Variants in ZNF831 observed in about 807,000 individuals in gnomAD.
The protein encoded by ZNF831 is zinc finger protein 831.
In ZNF831, 59 loss-of-function variants were observed where a neutral mutation model predicts 95.8. The observed-to-expected ratio is 0.62, with a 90% CI of 0.50 to 0.77. ZNF831 has a LOEUF of 0.77. Ranked by LOEUF, ZNF831 falls within the 30% of genes least tolerant of loss-of-function variation. ZNF831 has a pLI of 0.00. For synonymous variants in ZNF831, 961 were observed against 925.5 expected (o/e 1.04, Z -0.70); for missense variants, 2,205 against 2,164.0 (o/e 1.02, Z -0.38).
Position 59,194,655 on chromosome 20 carries a change from T to G in ZNF831, c.3636T>G (p.Pro1212=), listed in dbSNP as rs767329680. ...AASVYLAVHF[P]GSSLRDEGPN... ...CTGTGTACTTGGCGGTGCACTTTCC[T>G]GGTAGCAGCCTCCGAGATGAGGGTC... The change falls in exon 2 of 6, where the codon CCT becomes CCG. Residue 1212 remains proline, a synonymous_variant. Transcript: ENST00000371030. 6.2e-7 allele frequency: 1 copy of G among 1,613,378 alleles called. No homozygotes were observed. The highest frequency in any genetic ancestry group is 8.5e-7 in the Non-Finnish European group (1 of 1,179,800).
chr20:59,191,530 C>A lies in ZNF831; in HGVS notation c.511C>A (p.Pro171Thr). 1 of 1,613,154 alleles carries A rather than the reference C, an allele frequency of 6.2e-7. No homozygotes were observed. The highest frequency in any genetic ancestry group is 8.5e-7 in the Non-Finnish European group (1 of 1,180,002). Reference protein sequence around the residue: ...KHIRSHTGERPFPCATCGIAF... With the variant: ...KHIRSHTGERTFPCATCGIAF... ...CATCCGGTCCCACACGGGTGAGAGGCCCTTCCCGTGTGCCACCTGCGGCAT... is the reference window on the plus strand; with the variant it reads ...CATCCGGTCCCACACGGGTGAGAGGACCTTCCCGTGTGCCACCTGCGGCAT... The change falls in exon 2 of 6, where the codon CCC becomes ACC. Residue 171 changes from proline (P) to threonine (T), a missense_variant. Transcript: ENST00000371030.
chr20:59,239,701 C>G (rs956902895), intron 4 of ZNF831, among the ~76,000 whole-genome samples: 1 of 152,100 alleles, frequency 6.6e-6, no homozygotes, highest in Non-Finnish European at 1.5e-5. Context: ...CGCGCCACCA[C>G]GCCTGGCTAG....
At chr20:59,124,595 A>C (rs1303664398) in intron 1 of ZNF831, among the ~76,000 whole-genome samples, 9 of 152,178 alleles carry the variant, frequency 5.9e-5, no homozygotes, top group Admixed American at 5.9e-4. Context: ...CCGTGGGTAC[A>C]GCATGTCCAG....
rs1392210253 is a variant in ZNF831, at chr20:59,256,172, C to G, written c.*1429C>G. 6.6e-6 allele frequency: 1 copy of G among 152,212 alleles called. No individual in the cohort carries two copies. Among genetic ancestry groups the G allele is most frequent in the Non-Finnish European group, 1.5e-5 (1 of 68,040 alleles). 9.4% of individuals were successfully genotyped at this position (152,212 alleles called of 1,614,324 possible). A position where few individuals can be genotyped will look rare whatever the true frequency, so the allele number is the denominator to read the frequency against. The stretch of plus-strand genomic sequence containing the variant: ...CTCACACATGTGAATACACTTCAGT[C>G]AGTCTGTGCCTGTGACTAAGTATGG... On this transcript the variant is annotated 3_prime_UTR_variant, in exon 6 of 6. Coordinates refer to ENST00000371030, the MANE Select transcript of ZNF831 (RefSeq NM_178457.3).
chr20:59,136,156 T>C (rs1979503103), intron 1 of ZNF831, among the ~76,000 whole-genome samples: 1 of 152,192 alleles, frequency 6.6e-6, no homozygotes, highest in African/African-American at 2.4e-5. Flanking sequence ...CCTTGGCTCA[T>C]GGCCCCCTTC....
chr20:59,156,885 A>G (rs926418756), intron 2 of ZNF831, among the ~76,000 whole-genome samples: 10 of 152,242 alleles, frequency 6.6e-5, no homozygotes, highest in African/African-American at 2.4e-4. Context: ...TTTTTTTAAA[A>G]AGAAGAAAGA....
chr20:59,252,352 GA>G (rs1987935467), intron 4 of ZNF831, among the ~76,000 whole-genome samples: 1 of 152,150 alleles, frequency 6.6e-6, no homozygotes, highest in Non-Finnish European at 1.5e-5. Flanking sequence ...TGCCCTCTCT[GA>G]AATTTTGTGA....
At chr20:59,228,571 G>A (rs1482243980) in intron 4 of ZNF831, among the ~76,000 whole-genome samples, 2 of 152,152 alleles carry the variant, frequency 1.3e-5, no homozygotes, top group East Asian at 1.9e-4. Flanking sequence ...ACCAGCCAAC[G>A]GGGGTGAAAG....
In ZNF831 at chr20:59,257,331, G is replaced by A. The variant is rs1235212012; in HGVS notation, c.*2588G>A. ...TTTGTGAAAAAGCTGTATGTCAATG[G>A]ATTTTTTAAAAATTAAAAATGTATT... On this transcript the variant is annotated 3_prime_UTR_variant, in exon 6 of 6. Coordinates refer to ENST00000371030, the MANE Select transcript of ZNF831 (RefSeq NM_178457.3). 1 of 152,160 alleles carries A rather than the reference G, an allele frequency of 6.6e-6. No homozygotes were observed. Among genetic ancestry groups the A allele is most frequent in the African/African-American group, 2.4e-5 (1 of 41,436 alleles). 9.4% of individuals were successfully genotyped at this position (152,160 alleles called of 1,614,324 possible). A position where few individuals can be genotyped will look rare whatever the true frequency, so the allele number is the denominator to read the frequency against.
At chr20:59,189,907 A>G (rs929437538) in intron 1 of ZNF831, among the ~76,000 whole-genome samples, 6 of 152,170 alleles carry the variant, frequency 3.9e-5, no homozygotes, top group Admixed American at 1.3e-4. Flanking sequence ...GATGGGTGAA[A>G]TGTGCTTATG....
intron 3 of ZNF831, among the ~76,000 whole-genome samples, chr20:59,202,931 G>T (rs890690472): frequency 6.6e-6 from 1 of 152,110 alleles, no homozygotes; most frequent in Admixed American, 6.5e-5. Context: ...TACATTTTAC[G>T]CTGCATTTTT....
chr20:59,157,657 G>A (rs1980612693), intron 2 of ZNF831, among the ~76,000 whole-genome samples: 1 of 152,190 alleles, frequency 6.6e-6, no homozygotes, highest in Non-Finnish European at 1.5e-5. Context: ...TAAGGACAAA[G>A]GATTCTTGGC....
chr20:59,203,612 G>T (rs1200162851), intron 3 of ZNF831, among the ~76,000 whole-genome samples: 2 of 152,182 alleles, frequency 1.3e-5, no homozygotes, highest in African/African-American at 4.8e-5. Flanking sequence ...GCAGACCCCT[G>T]CATTAATCCA....
chr20:59,254,113 T>A lies in ZNF831; in HGVS notation c.4404T>A (p.Asp1468Glu). The A allele has an allele frequency of 6.2e-7, 1 of 1,614,192 alleles. No individual in the cohort carries two copies. Among genetic ancestry groups the A allele is most frequent in the Non-Finnish European group, 8.5e-7 (1 of 1,180,040 alleles). ...STDPKPYIFSDAQRPSSFGSK... is the reference protein window; with the variant it reads ...STDPKPYIFSEAQRPSSFGSK... The stretch of plus-strand genomic sequence containing the variant: ...ATCCCAAACCATACATCTTCTCAGA[T>A]GCTCAAAGGCCTTCTTCCTTTGGGT... The change falls in exon 6 of 6, where the codon GAT becomes GAA. Residue 1468 changes from aspartate to glutamate, a missense_variant. Asp to Glu is a conservative substitution (Grantham distance 45). Coordinates refer to ENST00000371030, the MANE Select transcript of ZNF831 (RefSeq NM_178457.3). This position sits in a 1 kb window ranked among gnomAD's most constrained non-coding sequence, Gnocchi z 4.5.
At chr20:59,128,347 T>C (rs1353504160) in intron 1 of ZNF831, among the ~76,000 whole-genome samples, 2 of 152,206 alleles carry the variant, frequency 1.3e-5, no homozygotes, top group Non-Finnish European at 2.9e-5. Flanking sequence ...ACACTTCCTC[T>C]TCCATCTGTC....
At chr20:59,139,619 C>G (rs896388359) in intron 1 of ZNF831, among the ~76,000 whole-genome samples, 1 of 152,116 alleles carries the variant, frequency 6.6e-6, no homozygotes, top group Non-Finnish European at 1.5e-5. Flanking sequence ...GACAATGGAG[C>G]CCTCTTTTAA....
chr20:59,165,941 G>A (rs1408844173), intron 1 of ZNF831, among the ~76,000 whole-genome samples: 1 of 152,016 alleles, frequency 6.6e-6, no homozygotes, highest in Admixed American at 6.6e-5. Flanking sequence ...TAGTAGAGAA[G>A]GGGTTTCGCC....
intron 3 of ZNF831, among the ~76,000 whole-genome samples, chr20:59,205,725 G>A (rs1014622508): frequency 6.6e-6 from 1 of 152,170 alleles, no homozygotes; most frequent in East Asian, 1.9e-4. Flanking sequence ...GCTTGTAAAG[G>A]GAAGGGATTA....
intron 4 of ZNF831, among the ~76,000 whole-genome samples, chr20:59,248,788 G>T (rs868431888): frequency 6.6e-6 from 1 of 152,160 alleles, no homozygotes; most frequent in African/African-American, 2.4e-5. Context: ...TTTTTCATGG[G>T]TGAGAATGAA....
Sources: allele counts gnomAD v4.1 joint callset (sites outside exome capture counted in the v4.1 genomes callset), GRCh38; gene constraint gnomAD v4.1.1; non-coding constraint Gnocchi (gnomAD v3.1); transcripts MANE v1.5; gene names NCBI Gene and HGNC (gene_info 2026-07-23, HGNC 2026-07-21).